Variants in HECTD4 observed in about 807,000 individuals in gnomAD.
HECTD4 encodes probable E3 ubiquitin-protein ligase HECTD4.
A neutral mutation model predicts 471.5 loss-of-function variants in HECTD4; 114 were observed. The ratio of observed to expected loss-of-function variants is 0.24; its 90% CI spans 0.21 to 0.28. The LOEUF (loss-of-function observed/expected upper bound fraction) is 0.28, where lower values mean the gene tolerates loss of function less well. Ranked by LOEUF, HECTD4 falls within the 10% of genes least tolerant of loss-of-function variation. The probability of loss-of-function intolerance (pLI) is 1.00; values close to 1 mark genes in which losing one functional copy is unlikely to be tolerated. For synonymous variants in HECTD4, 2,012 were observed against 2,256.0 expected, an observed-to-expected ratio of 0.89 and a Z score of 3.07; for missense variants, 3,866 against 5,651.5, an observed-to-expected ratio of 0.68 and a Z score of 10.13.
rs1238980996 is a variant in HECTD4 at position 112,219,435 on chromosome 12, C to T, written c.7025G>A (p.Arg2342Gln). 6.2e-7 allele frequency: 1 copy of T among 1,613,850 alleles called. No individual in the cohort carries two copies. Among genetic ancestry groups the T allele is most frequent in the Non-Finnish European group, 8.5e-7 (1 of 1,179,822 alleles). ...VQCERLRMLY[R>Q]DCARPPPPPL... ...AGGTGGTGGGGGCCGAGCACAGTCC[C>T]GGTAGAGCATCCTCAGCCGTTCACA... The change falls in exon 45 of 76, where the codon CGG becomes CAG. Residue 2342 changes from arginine to glutamine, a missense_variant. By Grantham distance (43) the Arg-to-Gln change is conservative. Transcript: ENST00000682272.
In HECTD4 at chr12:112,313,022, T is replaced by C; in HGVS notation, c.911A>G (p.Asn304Ser). Residue 304 changes from asparagine (N) to serine (S), a missense_variant, in exon 4 of 76, where the codon AAT (asparagine) becomes AGT (serine). This residue lies in a region of HECTD4 where 440 missense variants were observed against 636.0 expected (regional missense o/e 0.69). Coordinates refer to ENST00000682272, the MANE Select transcript of HECTD4 (RefSeq NM_001388303.1). ...PDSNTGSSSE[N>S]KDADLGRCLT... ...GACAAAAACTTTTACATTACCTTTA[T>C]TTTCAGAACTGGAGCCAGTGTTGCT... 1 of 1,535,340 alleles carries C rather than the reference T, an allele frequency of 6.5e-7. No individual in the cohort carries two copies. The highest frequency in any genetic ancestry group is 8.7e-7 in the Non-Finnish European group (1 of 1,146,562).
At chr12:112,322,141 A>C (rs2035597119) in intron 1 of HECTD4, 1 of 152,230 alleles carries the variant, frequency 6.6e-6, no homozygotes, top group Non-Finnish European at 1.5e-5. Flanking sequence ...AAAAAGAAAG[A>C]AAGGCAAAAA....
chr12:112,237,913 C>G (rs2033552826), intron 34 of HECTD4, among the ~76,000 whole-genome samples: 1 of 152,034 alleles, frequency 6.6e-6, no homozygotes, highest in South Asian at 2.1e-4. Context: ...TGCCACCATG[C>G]CCGGCTAATT....
Position 112,161,427 on chromosome 12 carries a change from A to C in HECTD4, c.*960T>G, listed in dbSNP as rs2030685804. The C allele has an allele frequency of 1.3e-5, 2 of 152,244 alleles. No homozygotes were observed. Among genetic ancestry groups the C allele is most frequent in the Admixed American group, 6.5e-5 (1 of 15,288 alleles). 9.4% of individuals were successfully genotyped at this position (152,244 alleles called of 1,614,324 possible). A position where few individuals can be genotyped will look rare whatever the true frequency, so the allele number is the denominator to read the frequency against. On this transcript the variant is annotated 3_prime_UTR_variant, in exon 76 of 76. Transcript: ENST00000682272. Reference sequence around the variant, plus strand: ...GACCCCAAATTGAGCAGAGCACCTCAGTCCACTCTTTTGAAAATGGGTGTG... The same window carrying C: ...GACCCCAAATTGAGCAGAGCACCTCCGTCCACTCTTTTGAAAATGGGTGTG...
At position 112,193,052 on chromosome 12, in the gene HECTD4, G is replaced by A. The variant is rs1402836376; in HGVS notation, c.9086+9C>T. On this transcript the variant is annotated intron_variant, in intron 58 of 75. Coordinates refer to ENST00000682272, the MANE Select transcript of HECTD4 (RefSeq NM_001388303.1). The surrounding 1 kb of genome is among the most constrained non-coding windows in gnomAD (Gnocchi z 5.2). ...CCCATCACCATCTTCTTGAGAACAGGCAACTTACTCTTTGCGGAATCCAGA... is the reference window on the plus strand; with the variant it reads ...CCCATCACCATCTTCTTGAGAACAGACAACTTACTCTTTGCGGAATCCAGA... 11 of 1,613,960 alleles carry A rather than the reference G, an allele frequency of 6.8e-6. No homozygotes were observed. The highest frequency in any genetic ancestry group is 8.5e-6 in the Non-Finnish European group (10 of 1,179,878).
chr12:112,200,955 T>C (rs1409791362), intron 54 of HECTD4, among the ~76,000 whole-genome samples, 157 bp from the exon 55 acceptor site: 1 of 152,062 alleles, frequency 6.6e-6, no homozygotes, highest in East Asian at 1.9e-4. Flanking sequence ...TGTAACTAAT[T>C]GCTATTTCAT....
intron 1 of HECTD4, among the ~76,000 whole-genome samples, chr12:112,349,596 C>T (rs1342842851): frequency 6.6e-6 from 1 of 151,844 alleles, no homozygotes; most frequent in African/African-American, 2.4e-5. Flanking sequence ...GTTTTGCTTC[C>T]CTCTTGTTAT....
At chr12:112,248,981 T>C (rs2033819075) in intron 25 of HECTD4, among the ~76,000 whole-genome samples, 1 of 152,192 alleles carries the variant, frequency 6.6e-6, no homozygotes. Flanking sequence ...GTAAGAGGTA[T>C]GAATAGTATA....
intron 1 of HECTD4, among the ~76,000 whole-genome samples, chr12:112,334,256 G>A (rs760761288): frequency 1.5e-4 from 22 of 149,456 alleles, no homozygotes; most frequent in Non-Finnish European, 2.8e-4. Flanking sequence ...AATAAAGTGG[G>A]AGAAAATCTT....
chr12:112,354,098 G>A (rs2036291387), intron 1 of HECTD4, among the ~76,000 whole-genome samples: 1 of 151,806 alleles, frequency 6.6e-6, no homozygotes, highest in South Asian at 2.1e-4. Flanking sequence ...TTTGAGATAG[G>A]GTCTCGCTCT....
chr12:112,207,149 T>C (rs2032615142), intron 52 of HECTD4, among the ~76,000 whole-genome samples: 1 of 151,416 alleles, frequency 6.6e-6, no homozygotes, highest in African/African-American at 2.4e-5. Flanking sequence ...TATGTATGTA[T>C]GTATGTATTT....
chr12:112,235,380 C>T lies in HECTD4; in HGVS notation c.5726-114G>A. 2.7e-6 allele frequency: 4 copies of T among 1,484,990 alleles called. No homozygotes were observed. The highest frequency in any genetic ancestry group is 3.6e-6 in the Non-Finnish European group (4 of 1,100,556). The allele number at this position is 1,484,990 out of a possible 1,614,324, so 92.0% of individuals were successfully genotyped here. ...GAATCTTTCTTCCCCCTTCTCTATTCCTGTCCCCGCTCCCTTCTCTGTCAC... is the reference window on the plus strand; with the variant it reads ...GAATCTTTCTTCCCCCTTCTCTATTTCTGTCCCCGCTCCCTTCTCTGTCAC... On this transcript the variant is annotated intron_variant, in intron 36 of 75. Transcript: ENST00000682272. This position sits in a 1 kb window ranked among gnomAD's most constrained non-coding sequence, Gnocchi z 5.0.
At chr12:112,268,373 C>T (rs1593993417) in intron 13 of HECTD4, among the ~76,000 whole-genome samples, 1 of 152,202 alleles carries the variant, frequency 6.6e-6, no homozygotes, top group African/African-American at 2.4e-5. Flanking sequence ...TATGCTCACC[C>T]CTGTCATACA....
chr12:112,202,458 G>A (rs1454966824), intron 54 of HECTD4, among the ~76,000 whole-genome samples: 6 of 151,984 alleles, frequency 3.9e-5, no homozygotes, highest in Non-Finnish European at 7.4e-5. Flanking sequence ...CACCTGCCTC[G>A]GCCTCCCAAA....
intron 64 of HECTD4, among the ~76,000 whole-genome samples, chr12:112,176,927 G>A (rs2031471495): frequency 6.6e-6 from 1 of 152,134 alleles, no homozygotes; most frequent in Admixed American, 6.6e-5. Flanking sequence ...ATCTTGTAGA[G>A]ACTCTTTTCA....
chr12:112,259,960 T>C (rs1212864572), intron 18 of HECTD4, among the ~76,000 whole-genome samples: 2 of 152,066 alleles, frequency 1.3e-5, no homozygotes, highest in Admixed American at 1.3e-4. Context: ...TTTTTTATTA[T>C]GGTAAAATAA....
intron 62 of HECTD4, among the ~76,000 whole-genome samples, chr12:112,181,467 T>C (rs148296159): frequency 8.9e-4 from 136 of 152,310 alleles, no homozygotes; most frequent in African/African-American, 3.1e-3. Flanking sequence ...GATTTCATGA[T>C]TGGGGTAACC....
chr12:112,328,303 T>C (rs1397889184), intron 1 of HECTD4, among the ~76,000 whole-genome samples: 1 of 152,034 alleles, frequency 6.6e-6, no homozygotes, highest in Non-Finnish European at 1.5e-5. Context: ...TATGCCTAGC[T>C]AATTTAAACA....
Position 112,235,951 on chromosome 12 carries a change from A to C in HECTD4, c.5445-167T>G, listed in dbSNP as rs2033493600. Among the ~76,000 whole-genome samples, 1 of 152,252 alleles carries C rather than the reference A, an allele frequency of 6.6e-6. No individual in the cohort carries two copies. Among genetic ancestry groups the C allele is most frequent in the South Asian group, 2.1e-4 (1 of 4,836 alleles). ...GAATTAAGAATTTTGGAAACATTTG[A>C]TGAAACCAAACAACACTAATACTTA... On this transcript the variant is annotated intron_variant, in intron 35 of 75. Transcript: ENST00000682272. This position sits in a 1 kb window ranked among gnomAD's most constrained non-coding sequence, Gnocchi z 5.0.
Sources: allele counts gnomAD v4.1 joint callset (sites outside exome capture counted in the v4.1 genomes callset), GRCh38; gene constraint gnomAD v4.1.1; regional missense constraint gnomAD v4.1.1; non-coding constraint Gnocchi (gnomAD v3.1); transcripts MANE v1.5; gene names NCBI Gene and HGNC (gene_info 2026-07-23, HGNC 2026-07-21).